SHQ1: variants seen among roughly 807,000 people sequenced by gnomAD.
SHQ1 encodes protein SHQ1 homolog.
SHQ1 carries 49 observed loss-of-function variants against 53.8 expected under a neutral mutation model. The observed-to-expected ratio is 0.91, with a 90% confidence interval of 0.72 to 1.16. SHQ1 has a LOEUF of 1.16. SHQ1 is among the 50% of genes most tolerant of loss of function. The probability of loss-of-function intolerance (pLI) is 0.00; values close to 1 mark genes in which losing one functional copy is unlikely to be tolerated. For missense variants in SHQ1, 738 were observed against 683.1 expected, an observed-to-expected ratio of 1.08 and a Z score of -0.90; for synonymous variants, 243 against 251.0, an observed-to-expected ratio of 0.97 and a Z score of 0.30.
chr3:72,839,477 TTA>T, intron 4 of SHQ1, among the ~76,000 whole-genome samples: 1 of 152,366 alleles, frequency 6.6e-6, no homozygotes, highest in African/African-American at 2.4e-5. Context: ...TGAGACCATT[TTA>T]TATTTTTCAA....
chr3:72,734,598 G>C, the SHQ1 span, among the ~76,000 whole-genome samples: 1 of 151,534 alleles, frequency 6.6e-6, no homozygotes, highest in Admixed American at 6.6e-5. Context: ...CATACCTTTA[G>C]TATTTGACAT....
intron 9 of SHQ1, among the ~76,000 whole-genome samples, chr3:72,806,878 G>A (rs1010026291): frequency 5.3e-5 from 8 of 152,098 alleles, no homozygotes; most frequent in Non-Finnish European, 8.8e-5. Flanking sequence ...CACTTACCAC[G>A]GCTGACTATA....
rs1254411573 is a variant in SHQ1, at chr3:72,827,804, G to T, written c.600-3253C>A. On this transcript the variant is annotated intron_variant, in intron 5 of 10. Coordinates refer to ENST00000325599, the MANE Select transcript of SHQ1 (RefSeq NM_018130.3). ...GAGTCTCACTCTGTTGCCCAGGCTG[G>T]AGTGCAGTGGCGCAATCTCGGCTCA... is the stretch of plus-strand genomic sequence containing the variant. 2.7e-5 allele frequency among the ~76,000 whole-genome samples: 4 copies of T among 147,094 alleles called. No individual in the cohort carries two copies. In the East Asian group the frequency reaches 7.9e-4, roughly 29 times the overall value.
the SHQ1 span, among the ~76,000 whole-genome samples, chr3:72,729,173 T>C: frequency 2.6e-5 from 4 of 152,212 alleles, no homozygotes; most frequent in African/African-American, 9.6e-5. Flanking sequence ...GTGACTTGTG[T>C]GCCAGGAGCA....
chr3:72,840,104 T>G (rs1487343294), intron 4 of SHQ1, among the ~76,000 whole-genome samples: 3 of 150,896 alleles, frequency 2.0e-5, no homozygotes, highest in Non-Finnish European at 4.4e-5. Flanking sequence ...ATAGAAAAAT[T>G]AGCCAGGCGT....
chr3:72,774,378 G>A (rs1053019445), intron 10 of SHQ1, among the ~76,000 whole-genome samples: 2 of 150,414 alleles, frequency 1.3e-5, no homozygotes, highest in East Asian at 1.9e-4. Context: ...CTAACAATTC[G>A]AAGATCAACA....
intron 1 of SHQ1, 103 bp downstream of exon 1, chr3:72,848,095 G>A: frequency 7.1e-7 from 1 of 1,406,840 alleles, no homozygotes; most frequent in Non-Finnish European, 9.9e-7. Flanking sequence ...GTCGGGAAAA[G>A]GCATTCGCGC....
intron 9 of SHQ1, among the ~76,000 whole-genome samples, chr3:72,808,301 A>G (rs1021268179): frequency 6.6e-6 from 1 of 152,196 alleles, no homozygotes; most frequent in East Asian, 1.9e-4. Flanking sequence ...CTTGTAGCCA[A>G]CCTTGTTTCA....
At chr3:72,739,791 G>C in the SHQ1 span, among the ~76,000 whole-genome samples, 1 of 152,222 alleles carries the variant, frequency 6.6e-6, no homozygotes, top group Non-Finnish European at 1.5e-5. Flanking sequence ...GTGGGGCAGG[G>C]GGCAGACCAA....
At position 72,750,153 on chromosome 3, in the gene SHQ1, T is replaced by A. The variant is rs1205550174; in HGVS notation, c.*131A>T. 2.5e-6 allele frequency: 2 copies of A among 785,676 alleles called. No homozygotes were observed. The highest frequency in any genetic ancestry group is 4.1e-6 in the Non-Finnish European group (2 of 492,374). 48.7% of individuals were successfully genotyped at this position (785,676 alleles called of 1,614,324 possible). On this transcript the variant is annotated 3_prime_UTR_variant, in exon 11 of 11. Transcript: ENST00000325599. ...ATCTGCAGTTGGTTGAATCCACAGA[T>A]GTGGAACACACAAATACAGTGGGCT...
chr3:72,822,876 G>A lies in SHQ1; in HGVS notation c.727+1548C>T, dbSNP rs185761460. ...AACAAAGAGTCACTATAGGCCGGGC[G>A]CGGGAGCTCACACCTGTAATCCCAG... is the stretch of plus-strand genomic sequence containing the variant. On this transcript the variant is annotated intron_variant, in intron 6 of 10. Coordinates refer to ENST00000325599, the MANE Select transcript of SHQ1 (RefSeq NM_018130.3). Among the ~76,000 whole-genome samples, 561 of 152,238 alleles carry A rather than the reference G, an allele frequency of 3.7e-3. 2 individuals are homozygous for A. The highest frequency in any genetic ancestry group is 0.012 in the African/African-American group (482 of 41,548).
chr3:72,813,802 AGTATGTT>A (rs2106862889), intron 8 of SHQ1, among the ~76,000 whole-genome samples: 1 of 148,456 alleles, frequency 6.7e-6, no homozygotes. Flanking sequence ...TCTTTAGTAA[AGTATGTT>A]CAGTTTCCTC....
rs567667446 is a variant in SHQ1 at position 72,765,428 on chromosome 3, A to C, written c.1182-14592T>G. On this transcript the variant is annotated intron_variant, in intron 10 of 10. Coordinates refer to ENST00000325599, the MANE Select transcript of SHQ1 (RefSeq NM_018130.3). Reference sequence around the variant, plus strand: ...TCAGGGCTGCATTTTTCACTGATTCATTTTTTTTTTTTTTTAAAGACAGTT... The same window carrying C: ...TCAGGGCTGCATTTTTCACTGATTCCTTTTTTTTTTTTTTTAAAGACAGTT... Among the ~76,000 whole-genome samples, 604 of 129,534 alleles carry C rather than the reference A, an allele frequency of 4.7e-3. 3 individuals carry two copies. The highest frequency in any genetic ancestry group is 0.01 in the Admixed American group (130 of 12,450). 85.0% of individuals were successfully genotyped at this position (129,534 alleles called of 152,430 possible). A position where few individuals can be genotyped will look rare whatever the true frequency, so the allele number is the denominator to read the frequency against.
chr3:72,774,686 G>T (rs1553690158), intron 10 of SHQ1, among the ~76,000 whole-genome samples: 1 of 152,206 alleles, frequency 6.6e-6, no homozygotes, highest in Non-Finnish European at 1.5e-5. Flanking sequence ...AGTTTTACAT[G>T]AAGAAAGAGT....
chr3:72,748,569 T>C (rs1253961582), downstream of SHQ1, among the ~76,000 whole-genome samples: 3 of 151,968 alleles, frequency 2.0e-5, no homozygotes, highest in Admixed American at 2.0e-4. Flanking sequence ...CACACATCTG[T>C]AGTCCCAGGT....
intron 2 of SHQ1, 46 bp from the exon 3 acceptor site, chr3:72,842,448 G>C (rs566306545): frequency 2.5e-6 from 4 of 1,572,584 alleles, no homozygotes; most frequent in Non-Finnish European, 3.5e-6. Context: ...TATTTAAAAA[G>C]CTGGGCACAA....
At chr3:72,768,227 C>A (rs980368024) in intron 10 of SHQ1, among the ~76,000 whole-genome samples, 1 of 152,252 alleles carries the variant, frequency 6.6e-6, no homozygotes, top group South Asian at 2.1e-4. Context: ...AATCGCTGAC[C>A]CTGCTGCAGG....
At chr3:72,846,356 G>T in intron 1 of SHQ1, 11 of 1,493,924 alleles carry the variant, frequency 7.4e-6, no homozygotes, top group South Asian at 1.3e-5. Flanking sequence ...GTGCGATAGC[G>T]CAATCTTGGC....
chr3:72,820,364 C>T (rs1162991634), intron 6 of SHQ1, among the ~76,000 whole-genome samples: 1 of 152,188 alleles, frequency 6.6e-6, no homozygotes, highest in Admixed American at 6.5e-5. Context: ...AACACTTCCA[C>T]CTTTTACTGA....
Sources: allele counts gnomAD v4.1 joint callset (sites outside exome capture counted in the v4.1 genomes callset), GRCh38; gene constraint gnomAD v4.1.1; transcripts MANE v1.5; gene names NCBI Gene and HGNC (gene_info 2026-07-23, HGNC 2026-07-21).